The following PCDHA12 variants were observed in gnomAD, a reference collection of about 807,000 sequenced individuals.
PCDHA12 encodes protocadherin alpha-12.
A neutral mutation model predicts 60.0 loss-of-function variants in PCDHA12; 44 were observed. The observed-to-expected ratio is 0.73, with a 90% CI of 0.58 to 0.94. The LOEUF (loss-of-function observed/expected upper bound fraction) is 0.94, where lower values mean the gene tolerates loss of function less well. Among genes scored for constraint, PCDHA12 ranks in the 40% least tolerant of loss-of-function variants. The pLI, the probability that PCDHA12 is intolerant of heterozygous loss-of-function variation, is 0.00. For synonymous variants in PCDHA12, 569 were observed against 553.0 expected, an observed-to-expected ratio of 1.03 and a Z score of -0.40; for missense variants, 1,276 against 1,239.7, an observed-to-expected ratio of 1.03 and a Z score of -0.44.
chr5:140,998,826 AGTGCTGGATTACTG>A (rs1301277298), intron 3 of PCDHA12, among the ~76,000 whole-genome samples: 1 of 152,240 alleles, frequency 6.6e-6, no homozygotes, highest in Non-Finnish European at 1.5e-5. Flanking sequence ...GGCCTCCCAA[AGTGCTGGATTACTG>A]GTGTGAGCCA....
intron 1 of PCDHA12, chr5:140,966,342 T>G: frequency 2.5e-6 from 1 of 395,470 alleles, no homozygotes; most frequent in Non-Finnish European, 4.4e-6. Flanking sequence ...AGGTCCAGGG[T>G]GAAGGAGATG....
intron 1 of PCDHA12, among the ~76,000 whole-genome samples, chr5:140,906,513 G>A (rs1398874448): frequency 1.3e-5 from 2 of 152,176 alleles, no homozygotes; most frequent in Non-Finnish European, 2.9e-5. Context: ...AAAGAAGGAG[G>A]AAATACTCAC....
chr5:140,980,030 C>T (rs552658283), intron 2 of PCDHA12, among the ~76,000 whole-genome samples: 29 of 152,292 alleles, frequency 1.9e-4, no homozygotes, highest in Admixed American at 4.6e-4. Flanking sequence ...GAAATCATTA[C>T]ATTGGGTGCT....
chr5:140,899,267 G>C lies in PCDHA12; in HGVS notation c.2367+21428G>C, dbSNP rs1397421903. Among the ~76,000 whole-genome samples, 367 of 152,064 alleles carry C rather than the reference G, an allele frequency of 2.4e-3. 2 individuals carry two copies. The highest frequency in any genetic ancestry group is 8.5e-3 in the African/African-American group (354 of 41,454). On this transcript the variant is annotated intron_variant, in intron 1 of 3. Coordinates refer to ENST00000398631, the MANE Select transcript of PCDHA12 (RefSeq NM_018903.4). ...TGAGAGAGGGCATCCCTGTCTTGTGGCAGTTTTCAAAGGGAATACTTCCAG... is the reference window on the plus strand; with the variant it reads ...TGAGAGAGGGCATCCCTGTCTTGTGCCAGTTTTCAAAGGGAATACTTCCAG...
At chr5:140,888,983 T>C (rs193278447) in intron 1 of PCDHA12, among the ~76,000 whole-genome samples, 22 of 152,266 alleles carry the variant, frequency 1.4e-4, no homozygotes, top group African/African-American at 5.1e-4. Flanking sequence ...AATTTATGAT[T>C]TATGATTTTC....
intron 3 of PCDHA12, among the ~76,000 whole-genome samples, chr5:140,985,577 G>GC (rs1195077647): frequency 6.6e-6 from 1 of 152,116 alleles, no homozygotes; most frequent in Non-Finnish European, 1.5e-5. Flanking sequence ...TGGTGCCTAA[G>GC]CCTCCTTATA....
intron 1 of PCDHA12, among the ~76,000 whole-genome samples, chr5:140,960,521 A>C (rs950989969): frequency 9.9e-5 from 15 of 152,162 alleles, no homozygotes; most frequent in Non-Finnish European, 1.5e-5. Context: ...CATAATGGGT[A>C]TAGGAAAGAG....
At chr5:140,941,666 C>G (rs1029878263) in intron 1 of PCDHA12, among the ~76,000 whole-genome samples, 4 of 152,004 alleles carry the variant, frequency 2.6e-5, no homozygotes, top group Non-Finnish European at 4.4e-5. Context: ...AATTTTATGT[C>G]AAGTTCAATA....
chr5:140,902,010 G>A (rs187351122), intron 1 of PCDHA12, among the ~76,000 whole-genome samples: 56 of 152,092 alleles, frequency 3.7e-4, no homozygotes, highest in African/African-American at 1.3e-3. Context: ...TCACTGTTGG[G>A]ACATATAGAA....
chr5:140,950,323 A>G (rs1400315467), intron 1 of PCDHA12, among the ~76,000 whole-genome samples: 1 of 152,046 alleles, frequency 6.6e-6, no homozygotes, highest in Non-Finnish European at 1.5e-5. Context: ...TAATGCATAT[A>G]TGCTGCAGTG....
At chr5:140,992,416 C>T (rs3776107) in intron 3 of PCDHA12, among the ~76,000 whole-genome samples, 9,821 of 152,168 alleles carry the variant, frequency 0.065, 355 homozygotes, top group East Asian at 0.12. Context: ...TGCCCCAGGT[C>T]TAAGAATATT....
In PCDHA12 at chr5:140,995,657, A is replaced by C. The variant is rs188298109; in HGVS notation, c.2515+13094A>C. Among the ~76,000 whole-genome samples, 56 of 152,328 alleles carry C rather than the reference A, an allele frequency of 3.7e-4. No homozygotes were observed. The East Asian group carries it at 7.7e-3, about 21-fold the overall frequency. Reference sequence around the variant, plus strand: ...AGTGTTTAGAAAAGGAGAATCGAAAAGGGAAGTAAATGCAGCATTTTTTTT... The same window carrying C: ...AGTGTTTAGAAAAGGAGAATCGAAACGGGAAGTAAATGCAGCATTTTTTTT... On this transcript the variant is annotated intron_variant, in intron 3 of 3. Coordinates refer to ENST00000398631, the MANE Select transcript of PCDHA12 (RefSeq NM_018903.4).
chr5:140,885,516 T>A (rs1235698672), intron 1 of PCDHA12, among the ~76,000 whole-genome samples: 2 of 152,198 alleles, frequency 1.3e-5, no homozygotes, highest in Non-Finnish European at 2.9e-5. Flanking sequence ...TGCTGTGCTA[T>A]CATTTCATAT....
intron 1 of PCDHA12, chr5:140,929,130 A>C (rs1554206719): frequency 1.2e-6 from 2 of 1,614,168 alleles, no homozygotes; most frequent in Non-Finnish European, 1.7e-6. Flanking sequence ...ATGTCACTAC[A>C]GTTGAGAGAC....
chr5:140,977,839 C>G (rs1400370638), intron 1 of PCDHA12, among the ~76,000 whole-genome samples: 1 of 152,176 alleles, frequency 6.6e-6, no homozygotes, highest in South Asian at 2.1e-4. Context: ...ATTGATATTA[C>G]TATGGCTTTG....
intron 1 of PCDHA12, chr5:140,884,152 T>C (rs1279761986): frequency 1.9e-6 from 3 of 1,613,332 alleles, no homozygotes; most frequent in East Asian, 2.2e-5. Flanking sequence ...GGCTGTACAC[T>C]GGCGAGATCA....
chr5:140,876,511 G>A lies in PCDHA12; in HGVS notation c.1039G>A (p.Val347Ile), dbSNP rs559810221. 2.4e-4 allele frequency: 380 copies of A among 1,614,076 alleles called. 4 individuals carry two copies. The South Asian group carries it at 3.9e-3, about 16-fold the overall frequency. ...GGAAGTTCTGGACGTGAATGACAATGTCCCTGAAGTAATGGTTACTTCACT... is the reference window on the plus strand; with the variant it reads ...GGAAGTTCTGGACGTGAATGACAATATCCCTGAAGTAATGGTTACTTCACT... ...LVEVLDVNDN[V>I]PEVMVTSLSL... The change falls in exon 1 of 4, where the codon GTC (valine) becomes ATC (isoleucine). Residue 347 changes from valine to isoleucine, a missense_variant. Coordinates refer to ENST00000398631, the MANE Select transcript of PCDHA12 (RefSeq NM_018903.4).
intron 1 of PCDHA12, among the ~76,000 whole-genome samples, chr5:140,918,360 G>A (rs1243919537): frequency 1.3e-5 from 2 of 152,082 alleles, no homozygotes; most frequent in African/African-American, 4.8e-5. Flanking sequence ...CTTCCTCTCT[G>A]CCTATTTGGA....
chr5:140,884,230 C>T, intron 1 of PCDHA12: 8 of 1,613,384 alleles, frequency 5.0e-6, no homozygotes, highest in Non-Finnish European at 6.8e-6. Flanking sequence ...TGAAGGACCA[C>T]GGTGAGCCCG....
Sources: gnomAD v4.1 joint callset for allele counts (sites outside exome capture counted in the v4.1 genomes callset) on GRCh38, gnomAD v4.1.1 for gene constraint, MANE v1.5 for transcripts, NCBI Gene and HGNC (gene_info 2026-07-23, HGNC 2026-07-21) for gene names.